The following LTBP1 variants were observed in gnomAD, a reference collection of about 807,000 sequenced individuals.
LTBP1 encodes the protein latent-transforming growth factor beta-binding protein 1.
LTBP1 carries 129 observed loss-of-function variants against 207.6 expected under a neutral mutation model. The observed-to-expected ratio is 0.62, with a 90% CI of 0.54 to 0.72. The LOEUF (loss-of-function observed/expected upper bound fraction) is 0.72, where lower values mean the gene tolerates loss of function less well. Ranked by LOEUF, LTBP1 falls within the 30% of genes least tolerant of loss-of-function variation. The pLI is 0.00. For synonymous variants in LTBP1, 963 were observed against 833.7 expected (o/e 1.16, Z -2.67); for missense variants, 2,281 against 2,217.2 (o/e 1.03, Z -0.58).
rs889495456 is a variant in LTBP1 at position 33,001,105 on chromosome 2, C to T, written c.566-19804C>T. 1.5e-5 allele frequency among the ~76,000 whole-genome samples: 2 copies of T among 134,726 alleles called. 1 individual carries two copies. The highest frequency in any genetic ancestry group is 3.3e-5 in the Non-Finnish European group (2 of 61,316). The allele number at this position is 134,726 out of a possible 152,430, so 88.4% of individuals were successfully genotyped here. Reference sequence around the variant, plus strand: ...AGTCCCTGAGCTGCCTCATACCTGGCCCATGATGCTAACTATCCACAATGA... The same window carrying T: ...AGTCCCTGAGCTGCCTCATACCTGGTCCATGATGCTAACTATCCACAATGA... On this transcript the variant is annotated intron_variant, in intron 2 of 33. Coordinates refer to ENST00000404816, the MANE Select transcript of LTBP1 (RefSeq NM_206943.4).
At chr2:33,284,126 C>T (rs2093617206) in intron 19 of LTBP1, among the ~76,000 whole-genome samples, 1 of 152,262 alleles carries the variant, frequency 6.6e-6, no homozygotes, top group East Asian at 1.9e-4. Context: ...CTTGGTGAAA[C>T]CGTTAATGGC....
At chr2:33,360,827 G>A (rs1430626490) in intron 27 of LTBP1, 48 bp downstream of exon 27, 1 of 1,550,896 alleles carries the variant, frequency 6.4e-7, no homozygotes, top group Non-Finnish European at 8.9e-7. Context: ...TGGTCACATG[G>A]TGTCCCTGGG....
At chr2:32,985,581 C>T (rs140111491) in intron 2 of LTBP1, among the ~76,000 whole-genome samples, 11 of 152,240 alleles carry the variant, frequency 7.2e-5, no homozygotes, top group African/African-American at 1.9e-4. Flanking sequence ...GTCTGGATTT[C>T]CCAGACTACA....
Position 33,280,145 on chromosome 2 carries a change from T to G in LTBP1, c.3099T>G (p.Asn1033Lys). ...VPCTEGFRGW[N>K]GQCLDVDECL... ...GCACAGAAGGATTCCGAGGCTGGAA[T>G]GGACAGTGCCTTGGTAGGTACTATA... is the stretch of plus-strand genomic sequence containing the variant. Residue 1033 changes from asparagine to lysine, a missense_variant, in exon 19 of 34, where the codon AAT becomes AAG. Around this residue, in one of 3 missense-constraint regions of LTBP1, gnomAD observed 1,671 missense variants for 1,634.8 expected, o/e 1.02. Coordinates refer to ENST00000404816, the MANE Select transcript of LTBP1 (RefSeq NM_206943.4). 6.2e-7 allele frequency: 1 copy of G among 1,614,126 alleles called. No individual in the cohort carries two copies. Among genetic ancestry groups the G allele is most frequent in the Non-Finnish European group, 8.5e-7 (1 of 1,179,978 alleles).
intron 8 of LTBP1, among the ~76,000 whole-genome samples, chr2:33,218,217 C>G (rs540276491): frequency 6.6e-6 from 1 of 152,282 alleles, no homozygotes; most frequent in South Asian, 2.1e-4. Flanking sequence ...TATGCTGTCA[C>G]AGACCTCAGC....
intron 2 of LTBP1, among the ~76,000 whole-genome samples, chr2:33,011,247 T>A (rs1221645720): frequency 1.3e-5 from 2 of 152,168 alleles, no homozygotes; most frequent in Non-Finnish European, 1.5e-5. Context: ...CTTGTCTCAC[T>A]GCACAGCTCC....
intron 7 of LTBP1, among the ~76,000 whole-genome samples, chr2:33,199,263 A>G (rs1408355323): frequency 1.3e-5 from 2 of 152,124 alleles, no homozygotes; most frequent in East Asian, 1.9e-4. Context: ...GGTCTGAGAG[A>G]CAGTTTGTTA....
chr2:33,267,082 G>A (rs1412804284), intron 15 of LTBP1, among the ~76,000 whole-genome samples: 1 of 152,264 alleles, frequency 6.6e-6, no homozygotes, highest in Non-Finnish European at 1.5e-5. Context: ...AGATGCTGGT[G>A]CCTGCAGCAG....
chr2:33,361,393 G>C, intron 27 of LTBP1, 36 bp from the exon 28 acceptor site: 1 of 1,168,114 alleles, frequency 8.6e-7, no homozygotes, highest in Non-Finnish European at 1.2e-6. Flanking sequence ...GGAAGATGTT[G>C]AATCTTTTTT....
chr2:33,067,038 G>A (rs1165907333), intron 3 of LTBP1, among the ~76,000 whole-genome samples: 1 of 152,118 alleles, frequency 6.6e-6, no homozygotes, highest in Admixed American at 6.5e-5. Flanking sequence ...GCCAGGCATG[G>A]TGGCATGCCT....
intron 5 of LTBP1, among the ~76,000 whole-genome samples, chr2:33,150,284 C>A (rs541140679): frequency 6.6e-6 from 1 of 152,070 alleles, no homozygotes; most frequent in Non-Finnish European, 1.5e-5. Context: ...GAATGAAATG[C>A]CTGTTCTTAA....
chr2:33,181,697 C>T (rs957014123), intron 5 of LTBP1, among the ~76,000 whole-genome samples: 4 of 152,226 alleles, frequency 2.6e-5, no homozygotes, highest in African/African-American at 9.6e-5. Context: ...CTGCAGTTCA[C>T]CTTCCTGTAA....
chr2:33,137,737 A>G (rs1389342329), intron 5 of LTBP1, among the ~76,000 whole-genome samples: 1 of 152,230 alleles, frequency 6.6e-6, no homozygotes, highest in Non-Finnish European at 1.5e-5. Flanking sequence ...AGGATGTGGA[A>G]CAGACATGAT....
intron 25 of LTBP1, 46 bp from the exon 26 acceptor site, chr2:33,347,321 C>A: frequency 6.2e-7 from 1 of 1,610,616 alleles, no homozygotes; most frequent in Non-Finnish European, 8.5e-7. Context: ...AGAGAGCTGT[C>A]GTGAATGAGG....
intron 13 of LTBP1, among the ~76,000 whole-genome samples, chr2:33,261,025 A>G (rs1250112434): frequency 6.6e-6 from 1 of 152,222 alleles, no homozygotes; most frequent in Non-Finnish European, 1.5e-5. Context: ...ATGGATGAAG[A>G]AAAGAAAGGA....
chr2:33,068,611 C>T (rs554051170), intron 3 of LTBP1, among the ~76,000 whole-genome samples: 44 of 152,212 alleles, frequency 2.9e-4, no homozygotes, highest in African/African-American at 1.1e-3. Context: ...TTCCTTCTCC[C>T]CTAATCCTTG....
At chr2:33,277,760 C>CCTTTCTTTCTTTTCTTTCTTT (rs2093460214) in intron 18 of LTBP1, among the ~76,000 whole-genome samples, 1 of 95,426 alleles carries the variant, frequency 1.0e-5, no homozygotes, top group African/African-American at 5.4e-5. Context: ...TTTTTTTTTC[C>CCTTTCTTTCTTTTCTTTCTTT]CTTTCTTTCT....
At chr2:33,344,552 C>T (rs896880151) in intron 25 of LTBP1, among the ~76,000 whole-genome samples, 3 of 152,148 alleles carry the variant, frequency 2.0e-5, no homozygotes, top group South Asian at 2.1e-4. Context: ...TTTTCTCACT[C>T]GTTCTTGAAG....
intron 31 of LTBP1, among the ~76,000 whole-genome samples, chr2:33,367,224 G>A (rs1161107360): frequency 2.0e-5 from 3 of 151,720 alleles, no homozygotes; most frequent in African/African-American, 7.3e-5. Flanking sequence ...CTGAGATTGG[G>A]GTCATCTGAT....
Sources: gnomAD v4.1 joint callset for allele counts (sites outside exome capture counted in the v4.1 genomes callset) on GRCh38, gnomAD v4.1.1 for gene constraint, gnomAD v4.1.1 regional missense constraint, MANE v1.5 for transcripts, NCBI Gene and HGNC (gene_info 2026-07-23, HGNC 2026-07-21) for gene names.